The following IQCK variants were observed in gnomAD, a reference collection of about 807,000 sequenced individuals.
IQCK encodes the protein IQ domain-containing protein K.
Under a neutral mutation model 28.1 loss-of-function variants are expected in IQCK, and 29 were observed. The observed-to-expected ratio is 1.03, with a 90% confidence interval of 0.77 to 1.41. IQCK has a LOEUF of 1.41. Ranked by LOEUF, IQCK falls within the 40% of genes most tolerant of loss-of-function variation. The pLI, the probability that IQCK is intolerant of heterozygous loss-of-function variation, is 0.00. For synonymous variants in IQCK, 113 were observed against 115.1 expected (o/e 0.98, Z 0.12); for missense variants, 359 against 314.7 (o/e 1.14, Z -1.07).
rs79253270 is a variant in IQCK at position 19,782,049 on chromosome 16, T to A, written c.606-6789T>A. ...AGAGCATTTGGGAACCCGGTTAGGA[T>A]GGAAGGCGAGGGCTGGGTAAAGTCT... On this transcript the variant is annotated intron_variant, in intron 6 of 7. Transcript: ENST00000564186. Among the ~76,000 whole-genome samples the A allele has an allele frequency of 4.2e-4, 64 of 152,058 alleles. 1 individual carries two copies. The East Asian group carries it at 0.012, about 30-fold the overall frequency.
chr16:19,774,701 T>C (rs2055366836), intron 6 of IQCK, among the ~76,000 whole-genome samples: 1 of 152,152 alleles, frequency 6.6e-6, no homozygotes, highest in South Asian at 2.1e-4. Flanking sequence ...TGCTTTAAAA[T>C]TATGGGGCAG....
intron 4 of IQCK, among the ~76,000 whole-genome samples, chr16:19,741,854 G>A (rs1247953753): frequency 6.6e-6 from 1 of 152,086 alleles, no homozygotes; most frequent in African/African-American, 2.4e-5. Flanking sequence ...AGGTGTGGTT[G>A]CAGGCACCTG....
intron 1 of IQCK, among the ~76,000 whole-genome samples, chr16:19,730,039 T>C (rs1456677633): frequency 2.0e-5 from 3 of 151,892 alleles, no homozygotes; most frequent in African/African-American, 7.3e-5. Flanking sequence ...CACTGCAGCC[T>C]CTGCCTCCCG....
At chr16:19,736,101 C>T (rs1331766083) in intron 4 of IQCK, 1 of 455,838 alleles carries the variant, frequency 2.2e-6, no homozygotes, top group African/African-American at 2.0e-5. Flanking sequence ...TTACTTCTTA[C>T]TTGGCTCTAG....
chr16:19,725,858 A>C (rs1416875692), intron 1 of IQCK, among the ~76,000 whole-genome samples: 1 of 152,134 alleles, frequency 6.6e-6, no homozygotes, highest in African/African-American at 2.4e-5. Flanking sequence ...TGATCATGTG[A>C]TGAAGAAATT....
chr16:19,735,004 C>A (rs1181368546), intron 3 of IQCK, among the ~76,000 whole-genome samples: 2 of 152,068 alleles, frequency 1.3e-5, no homozygotes, highest in African/African-American at 2.4e-5. Context: ...CCATTATACT[C>A]TGACTCCCAA....
intron 4 of IQCK, among the ~76,000 whole-genome samples, chr16:19,736,716 T>C (rs575035781): frequency 6.6e-6 from 1 of 152,202 alleles, no homozygotes; most frequent in East Asian, 1.9e-4. Flanking sequence ...TTGCAGTTGC[T>C]CTCCCCAGCC....
chr16:19,847,880 G>A (rs1300221757), intron 9 of IQCK, among the ~76,000 whole-genome samples: 1 of 152,174 alleles, frequency 6.6e-6, no homozygotes, highest in Non-Finnish European at 1.5e-5. Flanking sequence ...ATAGCTCACT[G>A]CAGCCTTGAA....
intron 7 of IQCK, among the ~76,000 whole-genome samples, chr16:19,790,380 C>T (rs2055602468): frequency 1.1e-5 from 1 of 88,732 alleles, no homozygotes; most frequent in South Asian, 3.9e-4. Flanking sequence ...TTCCATGAAG[C>T]TCCCATTCTA....
At chr16:19,811,838 C>A (rs1465317584) in intron 7 of IQCK, among the ~76,000 whole-genome samples, 2 of 152,128 alleles carry the variant, frequency 1.3e-5, no homozygotes, top group African/African-American at 4.8e-5. Context: ...TTAGAATCAC[C>A]TAGGTTTCTT....
chr16:19,792,959 A>G (rs2055639013), intron 7 of IQCK, among the ~76,000 whole-genome samples: 1 of 115,192 alleles, frequency 8.7e-6, no homozygotes, highest in South Asian at 2.5e-4. Flanking sequence ...AGATCATCTC[A>G]ATGGATATAG....
Position 19,727,140 on chromosome 16 carries a change from AAAAG to A in IQCK, c.182-3278_182-3275del, listed in dbSNP as rs200622125. 9.9e-3 allele frequency among the ~76,000 whole-genome samples: 1,493 copies of A among 150,372 alleles called. 22 individuals carry two copies. The highest frequency in any genetic ancestry group is 0.031 in the African/African-American group (1,261 of 40,244). ...AGCAAGACTCGGTCTCAAAAAAAAA[AAAAG>A]AAAGAAAGAAAAGAAAAGATAGTCA... On this transcript the variant is annotated intron_variant, in intron 1 of 7. Coordinates refer to ENST00000564186, the Ensembl canonical transcript of IQCK.
chr16:19,747,882 C>A (rs2054933661), intron 4 of IQCK, among the ~76,000 whole-genome samples: 1 of 152,104 alleles, frequency 6.6e-6, no homozygotes, highest in Admixed American at 6.6e-5. Context: ...CTGCAAAGTG[C>A]AGATACAGGA....
intron 6 of IQCK, among the ~76,000 whole-genome samples, chr16:19,777,122 TTG>T (rs1301953533): frequency 3.9e-5 from 6 of 152,118 alleles, no homozygotes; most frequent in African/African-American, 1.2e-4. Flanking sequence ...GAAACAAAGA[TTG>T]TGTTTTTGAA....
intron 6 of IQCK, among the ~76,000 whole-genome samples, chr16:19,764,570 C>T (rs1056603332): frequency 6.6e-6 from 1 of 152,090 alleles, no homozygotes; most frequent in Non-Finnish European, 1.5e-5. Flanking sequence ...GTGTCCTCCC[C>T]ACATTGAAGT....
intron 6 of IQCK, among the ~76,000 whole-genome samples, chr16:19,773,197 A>G (rs561642369): frequency 9.9e-5 from 15 of 152,116 alleles, no homozygotes; most frequent in African/African-American, 7.2e-5. Context: ...TCCTATGAGC[A>G]TGCTGAGAAA....
At chr16:19,718,542 C>G in intron 1 of IQCK, 55 bp downstream of exon 1, 1 of 1,468,792 alleles carries the variant, frequency 6.8e-7, no homozygotes, top group South Asian at 1.4e-5. Flanking sequence ...GGACGGGGGC[C>G]GCGTTTGGGG....
Position 19,783,219 on chromosome 16 carries a change from G to A in IQCK, c.606-5619G>A, listed in dbSNP as rs576730362. Among the ~76,000 whole-genome samples the A allele has an allele frequency of 1.7e-4, 26 of 152,098 alleles. No homozygotes were observed. The South Asian group carries it at 4.8e-3, about 28-fold the overall frequency. Reference sequence around the variant, plus strand: ...TCACCATATTGGCCAGGCTGGTCTCGAACTCCTGACCTCAGGTGATCCACC... The same window carrying A: ...TCACCATATTGGCCAGGCTGGTCTCAAACTCCTGACCTCAGGTGATCCACC... On this transcript the variant is annotated intron_variant, in intron 6 of 7. Transcript: ENST00000564186.
At position 19,719,122 on chromosome 16, in the gene IQCK, TAATG is replaced by T. The variant is rs138087416; in HGVS notation, c.181+636_181+639del. Among the ~76,000 whole-genome samples, 539 of 152,228 alleles carry T rather than the reference TAATG, an allele frequency of 3.5e-3. 5 individuals are homozygous for T. The highest frequency in any genetic ancestry group is 0.012 in the African/African-American group (496 of 41,522). On this transcript the variant is annotated intron_variant, in intron 1 of 7. Transcript: ENST00000564186. ...GACCCTGTCTGCAAAGTGGGCATAA[TAATG>T]GCACCTATTTCGATGGTGTTAAGAA...
Sources: gnomAD v4.1 joint callset for allele counts (sites outside exome capture counted in the v4.1 genomes callset) on GRCh38, gnomAD v4.1.1 for gene constraint, MANE v1.5 for transcripts, NCBI Gene and HGNC (gene_info 2026-07-23, HGNC 2026-07-21) for gene names.